The following NSFL1C variants were observed in gnomAD, a reference collection of about 807,000 sequenced individuals.
NSFL1C encodes NSFL1 cofactor p47.
A neutral mutation model predicts 43.1 loss-of-function variants in NSFL1C; 14 were observed. The observed-to-expected ratio is 0.32, with a 90% CI of 0.21 to 0.51. The LOEUF is 0.51. Ranked by LOEUF, NSFL1C falls within the 20% of genes least tolerant of loss-of-function variation. The pLI, the probability that NSFL1C is intolerant of heterozygous loss-of-function variation, is 0.98. For synonymous variants in NSFL1C, 171 were observed against 183.5 expected (o/e 0.93, Z 0.55); for missense variants, 406 against 472.5 (o/e 0.86, Z 1.30).
At chr20:1,452,812 C>T (rs1029556315) in intron 6 of NSFL1C, among the ~76,000 whole-genome samples, 182 bp from the exon 7 acceptor site, 7 of 152,192 alleles carry the variant, frequency 4.6e-5, no homozygotes, top group South Asian at 2.1e-4. Context: ...CAGCCATGGC[C>T]GACACCTATT....
chr20:1,449,911 T>G (rs1054103295), intron 7 of NSFL1C, among the ~76,000 whole-genome samples: 4 of 152,106 alleles, frequency 2.6e-5, no homozygotes, highest in African/African-American at 9.7e-5. Context: ...CTCTTGCTGT[T>G]TGCAATTCGA....
intron 1 of NSFL1C, among the ~76,000 whole-genome samples, chr20:1,464,945 C>T (rs1221083090): frequency 6.6e-6 from 1 of 152,178 alleles, no homozygotes; most frequent in Non-Finnish European, 1.5e-5. Flanking sequence ...GCTTCCAGTA[C>T]AGCCCGGAGT....
intron 1 of NSFL1C, 57 bp from the exon 2 acceptor site, chr20:1,464,483 T>A: frequency 1.4e-6 from 2 of 1,411,244 alleles, no homozygotes; most frequent in Admixed American, 3.4e-5. Flanking sequence ...CTAACGCACA[T>A]CTCCTTTGAG....
At chr20:1,451,976 C>T (rs2122865274) in intron 7 of NSFL1C, among the ~76,000 whole-genome samples, 1 of 152,318 alleles carries the variant, frequency 6.6e-6, no homozygotes, top group African/African-American at 2.4e-5. Context: ...AGCAAGGTTC[C>T]TGAGTGTCCC....
chr20:1,461,555 G>A (rs1249179911), intron 2 of NSFL1C, among the ~76,000 whole-genome samples: 1 of 152,194 alleles, frequency 6.6e-6, no homozygotes, highest in Non-Finnish European at 1.5e-5. Context: ...AAGAAATGAG[G>A]AAAAGGGAAT....
rs560727092 is a variant in NSFL1C, at chr20:1,453,543, G to A, written c.538-403C>T. On this transcript the variant is annotated intron_variant, in intron 5 of 8. Transcript: ENST00000216879. ...ATTAAAAATGTTATCTACAAGTTCT[G>A]TTCACAACAACTCCCACACACATTC... Among the ~76,000 whole-genome samples, 3 of 152,252 alleles carry A rather than the reference G, an allele frequency of 2.0e-5. No homozygotes were observed. In the South Asian group the frequency reaches 6.2e-4, roughly 32 times the overall value.
Position 1,466,802 on chromosome 20 carries a change from G to A in NSFL1C, c.23C>T (p.Ala8Val), listed in dbSNP as rs1476602565. The A allele has an allele frequency of 5.8e-6, 9 of 1,551,036 alleles. No homozygotes were observed. Among genetic ancestry groups the A allele is most frequent in the Non-Finnish European group, 7.8e-6 (9 of 1,151,258 alleles). The change falls in exon 1 of 9, where the codon GCG (alanine) becomes GTG (valine). Residue 8 changes from alanine (A) to valine (V), a missense_variant. Around this residue, in one of 3 missense-constraint regions of NSFL1C, gnomAD observed 203 missense variants for 216.3 expected, o/e 0.94. Transcript: ENST00000216879. ...CGTCACCGCCACGAACTCCCTCAGCGCCTCCTGTCGCTCCGCCGCCATCTT... is the reference window on the plus strand; with the variant it reads ...CGTCACCGCCACGAACTCCCTCAGCACCTCCTGTCGCTCCGCCGCCATCTT... MAAERQEALREFVAVTGA... is the reference protein window; with the variant it reads MAAERQEVLREFVAVTGA...
At chr20:1,451,200 A>C (rs909323728) in intron 7 of NSFL1C, among the ~76,000 whole-genome samples, 2 of 152,222 alleles carry the variant, frequency 1.3e-5, no homozygotes, top group Non-Finnish European at 2.9e-5. Context: ...GCAGTAGATG[A>C]AATGATGAGA....
Position 1,443,587 on chromosome 20 carries a change from A to C in NSFL1C, c.*162T>G. The C allele has an allele frequency of 1.7e-6, 1 of 598,920 alleles. No homozygotes were observed. Among genetic ancestry groups the C allele is most frequent in the East Asian group, 2.8e-5 (1 of 35,362 alleles). The allele number at this position is 598,920 out of a possible 1,614,324, so 37.1% of individuals were successfully genotyped here. On this transcript the variant is annotated 3_prime_UTR_variant, in exon 9 of 9. Coordinates refer to ENST00000216879, the MANE Select transcript of NSFL1C (RefSeq NM_016143.5). ...AAAAACCCAGGAAATGCAACTAAGG[A>C]GAAAACAAACGTCCAACCAAGATCT...
rs182089933 is a variant in NSFL1C at position 1,445,431 on chromosome 20, T to C, written c.950+235A>G. Reference sequence around the variant, plus strand: ...AAATCTAATACTCTAATTTTACAGATGAAGAATGAGACACACAGGGGGAAG... The same window carrying C: ...AAATCTAATACTCTAATTTTACAGACGAAGAATGAGACACACAGGGGGAAG... On this transcript the variant is annotated intron_variant, in intron 8 of 8. Coordinates refer to ENST00000216879, the MANE Select transcript of NSFL1C (RefSeq NM_016143.5). Among the ~76,000 whole-genome samples, 231 of 152,208 alleles carry C rather than the reference T, an allele frequency of 1.5e-3. 3 individuals carry two copies. The highest frequency in any genetic ancestry group is 5.5e-3 in the African/African-American group (228 of 41,524).
At chr20:1,450,032 A>G (rs371605628) in intron 7 of NSFL1C, among the ~76,000 whole-genome samples, 6 of 152,210 alleles carry the variant, frequency 3.9e-5, no homozygotes, top group East Asian at 1.9e-4. Context: ...TACTAAAACA[A>G]CAAAAAAAAT....
In NSFL1C at chr20:1,442,815, C is replaced by T. The variant is rs559993398; in HGVS notation, c.*934G>A. 15 of 152,358 alleles carry T rather than the reference C, an allele frequency of 9.8e-5. No homozygotes were observed. The highest frequency in any genetic ancestry group is 3.3e-4 in the Admixed American group (5 of 15,296). 9.4% of individuals were successfully genotyped at this position (152,358 alleles called of 1,614,324 possible). A position where few individuals can be genotyped will look rare whatever the true frequency, so the allele number is the denominator to read the frequency against. ...TGCTTGTAGCACAGAAAACTCACCC[C>T]TTCTTCAACAGTTGATTTGATTTGC... On this transcript the variant is annotated 3_prime_UTR_variant, in exon 9 of 9. Transcript: ENST00000216879.
intron 7 of NSFL1C, among the ~76,000 whole-genome samples, chr20:1,447,357 G>A (rs555546362): frequency 7.7e-4 from 117 of 151,794 alleles, no homozygotes; most frequent in Admixed American, 1.2e-3. Context: ...CTCATGGGCC[G>A]TATGCGACCC....
At chr20:1,460,832 A>C (rs1894215444) in intron 2 of NSFL1C, among the ~76,000 whole-genome samples, 1 of 152,218 alleles carries the variant, frequency 6.6e-6, no homozygotes, top group Non-Finnish European at 1.5e-5. Flanking sequence ...AGAATCAGAC[A>C]ATCGTAGTTC....
intron 3 of NSFL1C, chr20:1,456,756 T>C (rs1202744076): frequency 1.3e-5 from 2 of 152,198 alleles, no homozygotes; most frequent in Non-Finnish European, 2.9e-5. Flanking sequence ...ATTTCCATTT[T>C]TAAAAACTAT....
At chr20:1,460,800 T>A (rs1324591850) in intron 2 of NSFL1C, among the ~76,000 whole-genome samples, 1 of 152,230 alleles carries the variant, frequency 6.6e-6, no homozygotes, top group African/African-American at 2.4e-5. Context: ...AGTAGCTACC[T>A]TGTTGGATCG....
At chr20:1,451,604 C>T (rs1221159486) in intron 7 of NSFL1C, among the ~76,000 whole-genome samples, 2 of 152,168 alleles carry the variant, frequency 1.3e-5, no homozygotes, top group African/African-American at 2.4e-5. Flanking sequence ...GGTCACTATG[C>T]TCTAAATGCC....
At chr20:1,449,554 A>C (rs2122843311) in intron 7 of NSFL1C, among the ~76,000 whole-genome samples, 1 of 152,308 alleles carries the variant, frequency 6.6e-6, no homozygotes, top group Admixed American at 6.5e-5. Context: ...TCTTCCTGAG[A>C]ACTGCCAACA....
chr20:1,443,402 TGGAA>T lies in NSFL1C; in HGVS notation c.*343_*346del. On this transcript the variant is annotated 3_prime_UTR_variant, in exon 9 of 9. Coordinates refer to ENST00000216879, the MANE Select transcript of NSFL1C (RefSeq NM_016143.5). ...GCCACAAGTTTTTATGCAGAGAAGA[TGGAA>T]GGAAGTTTCCTCCCACAGGCCCCAA... 5.3e-6 allele frequency: 1 copy of T among 188,318 alleles called. No homozygotes were observed. Among genetic ancestry groups the T allele is most frequent in the Non-Finnish European group, 1.1e-5 (1 of 89,336 alleles). The allele number at this position is 188,318 out of a possible 1,614,324, so 11.7% of individuals were successfully genotyped here. A position where few individuals can be genotyped will look rare whatever the true frequency, so the allele number is the denominator to read the frequency against.
Sources: gnomAD v4.1 joint callset for allele counts (sites outside exome capture counted in the v4.1 genomes callset) on GRCh38, gnomAD v4.1.1 for gene constraint, gnomAD v4.1.1 regional missense constraint, MANE v1.5 for transcripts, NCBI Gene and HGNC (gene_info 2026-07-23, HGNC 2026-07-21) for gene names.